Variants in CD2AP observed in about 807,000 individuals in gnomAD.
CD2AP encodes the protein CD2 associated protein.
CD2AP carries 46 observed loss-of-function variants against 85.1 expected under a neutral mutation model. The observed-to-expected ratio is 0.54, with a 90% CI of 0.43 to 0.69. CD2AP has a LOEUF of 0.69. CD2AP is among the 30% of genes least tolerant of loss of function. CD2AP has a pLI of 0.00. For synonymous variants in CD2AP, 255 were observed against 252.9 expected (o/e 1.01, Z -0.08); for missense variants, 769 against 729.5 (o/e 1.05, Z -0.62).
At chr6:47,613,777 T>C (rs968192391) in intron 17 of CD2AP, among the ~76,000 whole-genome samples, 1 of 152,220 alleles carries the variant, frequency 6.6e-6, no homozygotes, top group African/African-American at 2.4e-5. Context: ...TCTCTAGTTA[T>C]GGAAGTCCTA....
At chr6:47,506,848 A>C (rs1011291841) in intron 2 of CD2AP, among the ~76,000 whole-genome samples, 4 of 136,002 alleles carry the variant, frequency 2.9e-5, no homozygotes, top group Non-Finnish European at 6.4e-5. Context: ...AGGGAGAGGG[A>C]GAGAGCGGCT....
At chr6:47,582,790 G>GTTTTTTTTTTTTTT (rs1554181771) in intron 11 of CD2AP, among the ~76,000 whole-genome samples, 1 of 86,794 alleles carries the variant, frequency 1.2e-5, no homozygotes. Flanking sequence ...GTTTTTTTTT[G>GTTTTTTTTTTTTTT]TTTTGTTTTT....
At chr6:47,620,741 C>T (rs1036433339) in intron 17 of CD2AP, among the ~76,000 whole-genome samples, 4 of 152,158 alleles carry the variant, frequency 2.6e-5, no homozygotes, top group African/African-American at 9.6e-5. Context: ...TTGTAGTTTT[C>T]CTTGTAGAGG....
chr6:47,534,472 C>CT (rs1766972310), intron 3 of CD2AP, among the ~76,000 whole-genome samples: 1 of 152,112 alleles, frequency 6.6e-6, no homozygotes, highest in East Asian at 1.9e-4. Context: ...TTTGGGAGGC[C>CT]TAGGTAGGTG....
Position 47,580,860 on chromosome 6 carries a change from A to G in CD2AP, c.1009-4A>G. The G allele has an allele frequency of 1.2e-6, 2 of 1,603,534 alleles. No individual in the cohort carries two copies. Among genetic ancestry groups the G allele is most frequent in the Non-Finnish European group, 1.7e-6 (2 of 1,170,646 alleles). The stretch of plus-strand genomic sequence containing the variant: ...AGCCGTTTCCACCATTATTATTTTA[A>G]CAGAAACCAAAGAAACCACCACCTC... On this transcript the variant is annotated splice_region_variant and splice_polypyrimidine_tract_variant and intron_variant, in intron 9 of 17. Transcript: ENST00000359314.
intron 3 of CD2AP, among the ~76,000 whole-genome samples, chr6:47,535,276 A>C (rs374095933): frequency 5.3e-5 from 8 of 152,238 alleles, no homozygotes; most frequent in Non-Finnish European, 1.0e-4. Flanking sequence ...TTAATAGTTA[A>C]TGAATATTTA....
intron 11 of CD2AP, among the ~76,000 whole-genome samples, 198 bp from the exon 12 acceptor site, chr6:47,595,662 AT>A (rs1768919949): frequency 6.6e-6 from 1 of 152,148 alleles, no homozygotes; most frequent in East Asian, 1.9e-4. Context: ...CATAATAAAC[AT>A]TTTTTAAAGT....
At chr6:47,543,162 A>G (rs1767271281) in intron 3 of CD2AP, among the ~76,000 whole-genome samples, 1 of 147,908 alleles carries the variant, frequency 6.8e-6, no homozygotes, top group East Asian at 1.9e-4. Context: ...AAAAAAAAAA[A>G]AAAAAAAAAA....
intron 5 of CD2AP, among the ~76,000 whole-genome samples, chr6:47,560,893 C>G (rs1196406956): frequency 6.6e-6 from 1 of 152,104 alleles, no homozygotes. Flanking sequence ...ATGATGGTTA[C>G]CAAAAATGGT....
chr6:47,607,799 A>T, intron 14 of CD2AP, 128 bp from the exon 15 acceptor site: 1 of 651,482 alleles, frequency 1.5e-6, no homozygotes. Flanking sequence ...TCCTATTAAT[A>T]ATAATGGGAT....
At chr6:47,585,766 A>C (rs1768610996) in intron 11 of CD2AP, among the ~76,000 whole-genome samples, 1 of 152,240 alleles carries the variant, frequency 6.6e-6, no homozygotes, top group Non-Finnish European at 1.5e-5. Context: ...TAACCATTGG[A>C]AAGCAATAGG....
At chr6:47,587,163 A>G (rs147561637) in intron 11 of CD2AP, among the ~76,000 whole-genome samples, 4 of 152,322 alleles carry the variant, frequency 2.6e-5, no homozygotes, top group Admixed American at 2.6e-4. Flanking sequence ...TTTTCAAATC[A>G]TGGCTAGGAC....
intron 9 of CD2AP, chr6:47,579,748 T>C: frequency 2.6e-6 from 1 of 391,936 alleles, no homozygotes; most frequent in Non-Finnish European, 4.6e-6. Flanking sequence ...AGAAGGGCTG[T>C]CTATCCTAAT....
intron 5 of CD2AP, among the ~76,000 whole-genome samples, chr6:47,557,777 CT>C (rs1767737164): frequency 6.6e-6 from 1 of 152,106 alleles, no homozygotes; most frequent in Admixed American, 6.6e-5. Context: ...CAGCTTTGTT[CT>C]TTTTGCTTAG....
chr6:47,483,370 G>A (rs1215509377), intron 1 of CD2AP, among the ~76,000 whole-genome samples: 1 of 152,158 alleles, frequency 6.6e-6, no homozygotes, highest in Non-Finnish European at 1.5e-5. Flanking sequence ...GGAGTGGTAT[G>A]GTGGCTGGTA....
chr6:47,515,402 AGAT>A (rs1766427335), intron 2 of CD2AP, among the ~76,000 whole-genome samples: 1 of 152,248 alleles, frequency 6.6e-6, no homozygotes, highest in Admixed American at 6.5e-5. Context: ...TGAAGGGGAT[AGAT>A]AATAGGCTAA....
intron 5 of CD2AP, among the ~76,000 whole-genome samples, chr6:47,561,350 T>G (rs902994118): frequency 1.3e-5 from 2 of 152,228 alleles, no homozygotes; most frequent in Admixed American, 6.5e-5. Context: ...TGCAGTATTA[T>G]GTCATTTTGA....
chr6:47,557,983 G>C (rs1369168090), intron 5 of CD2AP, among the ~76,000 whole-genome samples: 1 of 152,092 alleles, frequency 6.6e-6, no homozygotes, highest in Admixed American at 6.6e-5. Context: ...CCATTTGTTT[G>C]GGTCCTCTCT....
chr6:47,517,175 G>C (rs183928149), intron 2 of CD2AP, among the ~76,000 whole-genome samples: 180 of 152,222 alleles, frequency 1.2e-3, no homozygotes, highest in African/African-American at 4.2e-3. Flanking sequence ...TGATGCGCCT[G>C]CTCCCCTTTC....
Sources: allele counts gnomAD v4.1 joint callset (sites outside exome capture counted in the v4.1 genomes callset), GRCh38; gene constraint gnomAD v4.1.1; transcripts MANE v1.5; gene names NCBI Gene and HGNC (gene_info 2026-07-23, HGNC 2026-07-21).